The following DSCAM variants were observed in gnomAD, a reference collection of about 807,000 sequenced individuals.
DSCAM encodes cell adhesion molecule DSCAM.
DSCAM carries 47 observed loss-of-function variants against 217.7 expected under a neutral mutation model. The ratio of observed to expected loss-of-function variants is 0.22; its 90% confidence interval spans 0.17 to 0.28. The LOEUF is 0.28. Ranked by LOEUF, DSCAM falls within the 10% of genes least tolerant of loss-of-function variation. The pLI, the probability that DSCAM is intolerant of heterozygous loss-of-function variation, is 1.00. For synonymous variants in DSCAM, 1,056 were observed against 1,015.3 expected (o/e 1.04, Z -0.76); for missense variants, 2,080 against 2,618.3 (o/e 0.79, Z 4.49).
At chr21:40,833,844 A>T (rs2092031712) in intron 1 of DSCAM, among the ~76,000 whole-genome samples, 1 of 152,150 alleles carries the variant, frequency 6.6e-6, no homozygotes, top group East Asian at 1.9e-4. Flanking sequence ...CAACCTTGGC[A>T]CAATGAAGAT....
chr21:40,306,485 T>C (rs2074078319), intron 9 of DSCAM, among the ~76,000 whole-genome samples: 2 of 147,428 alleles, frequency 1.4e-5, no homozygotes, highest in African/African-American at 5.1e-5. Context: ...CTATGTTGAA[T>C]AGGAGTGGTG....
chr21:40,080,296 T>G lies in DSCAM; in HGVS notation c.4276A>C (p.Ser1426Arg). The G allele has an allele frequency of 6.2e-7, 1 of 1,613,188 alleles. No individual in the cohort carries two copies. The highest frequency in any genetic ancestry group is 8.5e-7 in the Non-Finnish European group (1 of 1,179,786). The stretch of plus-strand genomic sequence containing the variant: ...CGTTCGCTGGGGCTGATTGGAAAAC[T>G]CCCCCACTGCTCACTATTGTCCTCG... ...YSEDNSEQWG[S>R]FPISPSERSY... The change falls in exon 25 of 33, where the codon AGT becomes CGT. Residue 1426 changes from serine (S) to arginine (R), a missense_variant. Physicochemically the swap from Ser to Arg is moderately radical, Grantham distance 110 (BLOSUM62 -1). Around this residue, in one of 5 missense-constraint regions of DSCAM, gnomAD observed 1,144 missense variants for 1,421.1 expected, o/e 0.81. Coordinates refer to ENST00000400454, the MANE Select transcript of DSCAM (RefSeq NM_001389.5).
intron 19 of DSCAM, 82 bp from the exon 20 acceptor site, chr21:40,124,410 C>A (rs943247308): frequency 1.9e-6 from 3 of 1,558,296 alleles, no homozygotes; most frequent in Non-Finnish European, 2.6e-6. Flanking sequence ...GACCCCACTC[C>A]GCACTTACTG....
At chr21:40,760,738 G>T (rs375285725) in intron 1 of DSCAM, among the ~76,000 whole-genome samples, 22 of 152,272 alleles carry the variant, frequency 1.4e-4, no homozygotes, top group African/African-American at 5.1e-4. Context: ...CTGTTTTTCT[G>T]GGAAGTTAGA....
intron 3 of DSCAM, among the ~76,000 whole-genome samples, chr21:40,596,173 C>T (rs1718148869): frequency 6.6e-6 from 1 of 152,172 alleles, no homozygotes; most frequent in African/African-American, 2.4e-5. Flanking sequence ...ACGGCTGACT[C>T]ACTTGTCCCC....
Position 40,144,855 on chromosome 21 carries a change from G to A in DSCAM, c.3019-124C>T. ...GTCATCGCCACGATGCTGGGGCGGT[G>A]GTCCGGTAGCAGCCGCAAACCCACG... On this transcript the variant is annotated intron_variant, in intron 16 of 32. Transcript: ENST00000400454. The surrounding 1 kb of genome is among the most constrained non-coding windows in gnomAD (Gnocchi z 4.8). 7.1e-7 allele frequency: 1 copy of A among 1,407,834 alleles called. No homozygotes were observed. Among genetic ancestry groups the A allele is most frequent in the Non-Finnish European group, 9.6e-7 (1 of 1,040,898 alleles). The allele number at this position is 1,407,834 out of a possible 1,614,324, so 87.2% of individuals were successfully genotyped here.
chr21:40,376,505 T>TATATCG (rs2074955595), intron 3 of DSCAM, among the ~76,000 whole-genome samples: 1 of 111,902 alleles, frequency 8.9e-6, no homozygotes, highest in Admixed American at 1.0e-4. Context: ...CTATATATCT[T>TATATCG]ATATCGATAT....
intron 3 of DSCAM, among the ~76,000 whole-genome samples, chr21:40,391,698 G>A (rs765069392): frequency 1.4e-4 from 22 of 152,178 alleles, no homozygotes; most frequent in Non-Finnish European, 2.8e-4. Flanking sequence ...ATAGCATCAG[G>A]TATGTTCACT....
At chr21:40,644,709 T>C (rs1490792040) in intron 3 of DSCAM, among the ~76,000 whole-genome samples, 1 of 152,228 alleles carries the variant, frequency 6.6e-6, no homozygotes, top group African/African-American at 2.4e-5. Flanking sequence ...GCTCCCACTC[T>C]GTAGAGTGTA....
intron 3 of DSCAM, among the ~76,000 whole-genome samples, chr21:40,422,395 G>A (rs533939785): frequency 1.8e-4 from 28 of 152,224 alleles, no homozygotes; most frequent in Middle Eastern, 3.4e-3. Flanking sequence ...TGTGGGAGGC[G>A]GAGGTGAGCA....
chr21:40,211,087 T>C (rs2091178983), intron 11 of DSCAM, among the ~76,000 whole-genome samples: 1 of 152,228 alleles, frequency 6.6e-6, no homozygotes, highest in Non-Finnish European at 1.5e-5. Flanking sequence ...ACCTCTGCTG[T>C]TTTATCGTTT....
intron 1 of DSCAM, among the ~76,000 whole-genome samples, chr21:40,750,872 TC>T (rs1280018147): frequency 6.6e-6 from 1 of 152,030 alleles, no homozygotes; most frequent in African/African-American, 2.4e-5. Context: ...GCTGCTCCTT[TC>T]CCCATGTCCA....
intron 11 of DSCAM, among the ~76,000 whole-genome samples, chr21:40,201,350 G>A (rs1475060748): frequency 1.3e-5 from 2 of 148,502 alleles, no homozygotes; most frequent in African/African-American, 2.5e-5. Flanking sequence ...CCTCTAACTC[G>A]CATGGAGGCA....
At chr21:40,538,314 C>T (rs956221044) in intron 3 of DSCAM, among the ~76,000 whole-genome samples, 6 of 152,034 alleles carry the variant, frequency 3.9e-5, no homozygotes, top group East Asian at 1.9e-4. Context: ...CACAGCAGCA[C>T]GCCAAGCACA....
At chr21:40,467,554 C>T (rs111958129) in intron 3 of DSCAM, among the ~76,000 whole-genome samples, 8 of 152,100 alleles carry the variant, frequency 5.3e-5, no homozygotes, top group South Asian at 4.2e-4. Context: ...TAAAAAATAA[C>T]GCTTAATGTC....
intron 16 of DSCAM, among the ~76,000 whole-genome samples, chr21:40,150,291 G>A (rs1161178432): frequency 1.3e-5 from 2 of 152,180 alleles, no homozygotes; most frequent in South Asian, 2.1e-4. Flanking sequence ...TAAAGTAATA[G>A]TATACATGGC....
chr21:40,388,295 T>C (rs1485946921), intron 3 of DSCAM, among the ~76,000 whole-genome samples: 1 of 152,140 alleles, frequency 6.6e-6, no homozygotes, highest in East Asian at 1.9e-4. Context: ...TATAAAGTGA[T>C]AATAATGGCA....
chr21:40,532,405 T>C (rs2076454248), intron 3 of DSCAM, among the ~76,000 whole-genome samples: 1 of 152,118 alleles, frequency 6.6e-6, no homozygotes, highest in African/African-American at 2.4e-5. Flanking sequence ...GATGCCTCAC[T>C]GAATGAGCAG....
chr21:40,563,055 G>A (rs1411082586), intron 3 of DSCAM, among the ~76,000 whole-genome samples: 1 of 152,172 alleles, frequency 6.6e-6, no homozygotes, highest in Admixed American at 6.5e-5. Context: ...AGCAGGGTGA[G>A]TTATCCCTAA....
Sources: allele counts gnomAD v4.1 joint callset (sites outside exome capture counted in the v4.1 genomes callset), GRCh38; gene constraint gnomAD v4.1.1; regional missense constraint gnomAD v4.1.1; non-coding constraint Gnocchi (gnomAD v3.1); transcripts MANE v1.5; gene names NCBI Gene and HGNC (gene_info 2026-07-23, HGNC 2026-07-21).